The following PCDH15 variants were observed in gnomAD, a reference collection of about 807,000 sequenced individuals.
The protein encoded by PCDH15 is protocadherin related 15.
Under a neutral mutation model 178.5 loss-of-function variants are expected in PCDH15, and 129 were observed. That is an observed-to-expected ratio of 0.72 (90% CI 0.63 to 0.84). The LOEUF (loss-of-function observed/expected upper bound fraction) is 0.84. Among genes scored for constraint, PCDH15 ranks in the 40% least tolerant of loss-of-function variants. The probability of loss-of-function intolerance (pLI) is 0.00; values close to 1 mark genes in which losing one functional copy is unlikely to be tolerated. For missense variants in PCDH15, 2,230 were observed against 2,099.9 expected, an observed-to-expected ratio of 1.06 and a Z score of -1.21; for synonymous variants, 800 against 732.0, an observed-to-expected ratio of 1.09 and a Z score of -1.50.
intron 2 of PCDH15, among the ~76,000 whole-genome samples, chr10:55,162,059 T>C (rs1357964229): frequency 6.6e-6 from 1 of 152,122 alleles, no homozygotes; most frequent in Non-Finnish European, 1.5e-5. Context: ...ATGTGGATAA[T>C]TAACATCAAA....
At chr10:54,709,627 T>TATAA (rs1491235711) in intron 1 of PCDH15, among the ~76,000 whole-genome samples, 2,486 of 141,488 alleles carry the variant, frequency 0.018, 51 homozygotes, top group Non-Finnish European at 0.026. Flanking sequence ...TATATATATA[T>TATAA]AAAATCACTT....
At chr10:55,206,016 C>A in intron 1 of PCDH15, among the ~76,000 whole-genome samples, 1 of 152,010 alleles carries the variant, frequency 6.6e-6, no homozygotes, top group Admixed American at 6.5e-5. Flanking sequence ...GAAAGACCCA[C>A]CCCCAAGATT....
chr10:55,347,252 T>A (rs187331485), intron 2 of PCDH15, among the ~76,000 whole-genome samples: 1 of 151,706 alleles, frequency 6.6e-6, no homozygotes, highest in Non-Finnish European at 1.5e-5. Flanking sequence ...AAAAAGAGTA[T>A]AGTGGAAGTT....
chr10:55,487,417 T>G (rs933835306), intron 2 of PCDH15, among the ~76,000 whole-genome samples: 3 of 151,688 alleles, frequency 2.0e-5, no homozygotes. Context: ...CTCTCGCACA[T>G]CCATTTATCA....
chr10:55,263,067 T>TC (rs1422038679), intron 1 of PCDH15, among the ~76,000 whole-genome samples: 3 of 152,120 alleles, frequency 2.0e-5, no homozygotes, highest in African/African-American at 4.8e-5. Flanking sequence ...AGGCAACTTT[T>TC]CCTGTTTCGA....
chr10:54,512,917 C>T lies in PCDH15; in HGVS notation c.157+14895G>A, dbSNP rs550424459. ...TACCATCAAAAGTTAAAAACTAAAGCGAGCCATTTTCCAAGAATTAGACAG... is the reference window on the plus strand; with the variant it reads ...TACCATCAAAAGTTAAAAACTAAAGTGAGCCATTTTCCAAGAATTAGACAG... On this transcript the variant is annotated intron_variant, in intron 3 of 37. Transcript: ENST00000644397. Among the ~76,000 whole-genome samples, 9 of 151,996 alleles carry T rather than the reference C, an allele frequency of 5.9e-5. No homozygotes were observed. The East Asian group carries it at 7.7e-4, about 13-fold the overall frequency.
chr10:55,273,093 A>G (rs542087245), intron 1 of PCDH15, among the ~76,000 whole-genome samples: 33 of 152,220 alleles, frequency 2.2e-4, no homozygotes, highest in Non-Finnish European at 3.8e-4. Context: ...GTTGAATGAA[A>G]AACTGTGAAA....
chr10:54,728,564 A>G (rs1401413411), intron 1 of PCDH15, among the ~76,000 whole-genome samples: 1 of 151,444 alleles, frequency 6.6e-6, no homozygotes, highest in Non-Finnish European at 1.5e-5. Flanking sequence ...ATCCTGTTCA[A>G]CATGATATTG....
At chr10:54,540,550 T>A (rs935719984) in intron 2 of PCDH15, among the ~76,000 whole-genome samples, 1 of 151,996 alleles carries the variant, frequency 6.6e-6, no homozygotes, top group Non-Finnish European at 1.5e-5. Context: ...CCACACCAGA[T>A]GAACTCACAG....
At chr10:54,605,209 C>T (rs1234908414) in intron 2 of PCDH15, among the ~76,000 whole-genome samples, 1 of 151,654 alleles carries the variant, frequency 6.6e-6, no homozygotes. Context: ...TTTTATTTGC[C>T]TCTATAAATT....
chr10:54,954,862 C>G (rs1838440604), intron 2 of PCDH15, among the ~76,000 whole-genome samples: 1 of 150,836 alleles, frequency 6.6e-6, no homozygotes, highest in Non-Finnish European at 1.5e-5. Flanking sequence ...ATCTTTAGAA[C>G]AAAATAGATA....
chr10:55,577,698 C>A (rs927602799), intron 2 of PCDH15, among the ~76,000 whole-genome samples: 3 of 152,182 alleles, frequency 2.0e-5, no homozygotes, highest in African/African-American at 7.2e-5. Context: ...CTGGTTTCAA[C>A]AGAAATTAAT....
At chr10:54,076,219 T>C (rs1189922485) in intron 17 of PCDH15, among the ~76,000 whole-genome samples, 1 of 152,182 alleles carries the variant, frequency 6.6e-6, no homozygotes, top group Non-Finnish European at 1.5e-5. Flanking sequence ...TTTTGGATAC[T>C]ATTGCAAATT....
intron 2 of PCDH15, among the ~76,000 whole-genome samples, chr10:55,517,006 A>G (rs1841028912): frequency 6.6e-6 from 1 of 152,132 alleles, no homozygotes; most frequent in Non-Finnish European, 1.5e-5. Context: ...AGAAAAACAA[A>G]TCCTGTGAAT....
intron 2 of PCDH15, among the ~76,000 whole-genome samples, chr10:54,604,185 TG>T (rs1023534033): frequency 6.6e-6 from 1 of 151,986 alleles, no homozygotes; most frequent in Non-Finnish European, 1.5e-5. Context: ...TGAGTTGTTT[TG>T]TTATCTAATA....
chr10:54,376,268 A>G (rs1948417957), intron 4 of PCDH15, among the ~76,000 whole-genome samples: 1 of 151,936 alleles, frequency 6.6e-6, no homozygotes, highest in Non-Finnish European at 1.5e-5. Flanking sequence ...CAAAAGAATT[A>G]CATTTTAGGT....
At chr10:53,809,642 G>C (rs2075795658) in intron 37 of PCDH15, 1 of 1,175,032 alleles carries the variant, frequency 8.5e-7, no homozygotes, top group Non-Finnish European at 1.2e-6. Context: ...ATCTGTGGGT[G>C]ATAGCTTCAT....
rs146528029 is a variant in PCDH15, at chr10:55,472,094, G to A, written c.-156+155531C>T. 2.4e-3 allele frequency among the ~76,000 whole-genome samples: 365 copies of A among 152,166 alleles called. 1 individual carries two copies. The highest frequency in any genetic ancestry group is 4.3e-3 in the Admixed American group (65 of 15,282). On this transcript the variant is annotated intron_variant, in intron 2 of 5. Transcript: ENST00000613346. ...AGATTTTCATAGTGGTAACTTGCTC[G>A]TTAGTACAACCTACTGTTTGTCTCC...
intron 20 of PCDH15, among the ~76,000 whole-genome samples, chr10:54,018,399 T>C (rs1363364911): frequency 6.2e-5 from 5 of 80,632 alleles, no homozygotes; most frequent in African/African-American, 2.5e-4. Context: ...CCAAATGATA[T>C]GGAATTGTCA....
Sources: gnomAD v4.1 joint callset for allele counts (sites outside exome capture counted in the v4.1 genomes callset) on GRCh38, gnomAD v4.1.1 for gene constraint, MANE v1.5 for transcripts, NCBI Gene and HGNC (gene_info 2026-07-23, HGNC 2026-07-21) for gene names.